The following GULP1 variants were observed in gnomAD, a reference collection of about 807,000 sequenced individuals.
GULP1 encodes PTB domain-containing engulfment adapter protein 1.
GULP1 carries 19 observed loss-of-function variants against 40.9 expected under a neutral mutation model. That is an observed-to-expected ratio of 0.46 (90% CI 0.32 to 0.68). The LOEUF (loss-of-function observed/expected upper bound fraction) is 0.68. Among genes scored for constraint, GULP1 ranks in the 30% least tolerant of loss-of-function variants. The probability of loss-of-function intolerance (pLI) is 0.03; values close to 1 mark genes in which losing one functional copy is unlikely to be tolerated. For missense variants in GULP1, 312 were observed against 362.2 expected (o/e 0.86, Z 1.12); for synonymous variants, 119 against 117.6 (o/e 1.01, Z -0.08).
At chr2:188,476,169 G>C (rs995228555) in intron 2 of GULP1, among the ~76,000 whole-genome samples, 183 of 152,274 alleles carry the variant, frequency 1.2e-3, no homozygotes, top group South Asian at 2.1e-4. Flanking sequence ...ATTAGAATTA[G>C]ATTCTCTGAG....
chr2:188,311,518 A>G (rs2038102257), intron 1 of GULP1, among the ~76,000 whole-genome samples: 2 of 151,944 alleles, frequency 1.3e-5, no homozygotes, highest in South Asian at 4.2e-4. Context: ...CCTTTTTGTG[A>G]CTTCATCTTG....
At chr2:188,314,089 T>A (rs2038665288) in intron 1 of GULP1, among the ~76,000 whole-genome samples, 1 of 152,026 alleles carries the variant, frequency 6.6e-6, no homozygotes, top group Non-Finnish European at 1.5e-5. Context: ...CTTAACACTG[T>A]CTGTAGAGTC....
intron 1 of GULP1, among the ~76,000 whole-genome samples, chr2:188,363,816 G>A (rs921993653): frequency 6.6e-6 from 1 of 152,136 alleles, no homozygotes; most frequent in African/African-American, 2.4e-5. Flanking sequence ...GAGAGGAGCA[G>A]CTTTAGCACT....
At chr2:188,319,500 T>A (rs1296130427) in intron 1 of GULP1, among the ~76,000 whole-genome samples, 1 of 152,112 alleles carries the variant, frequency 6.6e-6, no homozygotes, top group Non-Finnish European at 1.5e-5. Context: ...AGATTTGATT[T>A]TACAACTGAA....
intron 1 of GULP1, among the ~76,000 whole-genome samples, chr2:188,379,838 G>A (rs560616413): frequency 9.2e-5 from 14 of 152,184 alleles, no homozygotes; most frequent in Admixed American, 6.5e-4. Context: ...TTATTCCTGT[G>A]CCCTTGCTTA....
chr2:188,581,515 G>A (rs575074779), intron 9 of GULP1, among the ~76,000 whole-genome samples: 52 of 152,242 alleles, frequency 3.4e-4, no homozygotes, highest in African/African-American at 1.2e-3. Flanking sequence ...GTGACATCTG[G>A]CAGCTCAGCT....
At position 188,595,579 on chromosome 2, in the gene GULP1, A is replaced by C. The variant is rs953157403; in HGVS notation, c.*1568A>C. On this transcript the variant is annotated 3_prime_UTR_variant, in exon 12 of 12. Transcript: ENST00000409830. ...ATAGTATTTTGGAATTTGTATAATA[A>C]GGATGTTTAGAAGCCATATAAGTGG... 5 of 152,302 alleles carry C rather than the reference A, an allele frequency of 3.3e-5. No individual in the cohort carries two copies. Among genetic ancestry groups the C allele is most frequent in the African/African-American group, 9.6e-5 (4 of 41,546 alleles). The allele number at this position is 152,302 out of a possible 1,614,324, so 9.4% of individuals were successfully genotyped here.
At chr2:188,553,079 GTT>G (rs1693899755) in intron 7 of GULP1, among the ~76,000 whole-genome samples, 1 of 151,774 alleles carries the variant, frequency 6.6e-6, no homozygotes, top group South Asian at 2.1e-4. Context: ...AAATCTAAGA[GTT>G]TTTTTATGGA....
chr2:188,297,204 C>T (rs112148934), intron 1 of GULP1, among the ~76,000 whole-genome samples: 132 of 151,344 alleles, frequency 8.7e-4, no homozygotes, highest in African/African-American at 2.2e-3. Flanking sequence ...TCTATTTATA[C>T]CTCCGAAAGA....
intron 9 of GULP1, among the ~76,000 whole-genome samples, chr2:188,580,335 C>G (rs995549436): frequency 6.6e-6 from 1 of 152,134 alleles, no homozygotes; most frequent in East Asian, 1.9e-4. Context: ...GGGCGGATCA[C>G]GAGGTCAGGA....
intron 2 of GULP1, among the ~76,000 whole-genome samples, chr2:188,422,559 G>T (rs2055595373): frequency 6.6e-6 from 1 of 151,462 alleles, no homozygotes; most frequent in African/African-American, 2.4e-5. Flanking sequence ...CTTAAGATTT[G>T]CTTTTCATTT....
intron 1 of GULP1, among the ~76,000 whole-genome samples, chr2:188,300,385 CAT>C (rs1214897619): frequency 6.6e-6 from 1 of 151,950 alleles, no homozygotes; most frequent in Non-Finnish European, 1.5e-5. Context: ...TTTTTCTGAA[CAT>C]ATGGAAACTT....
At chr2:188,297,335 C>A (rs1228462063) in intron 1 of GULP1, among the ~76,000 whole-genome samples, 1 of 151,980 alleles carries the variant, frequency 6.6e-6, no homozygotes, top group Non-Finnish European at 1.5e-5. Flanking sequence ...GTACAGTTAA[C>A]TACTGTAAGA....
chr2:188,487,536 G>C (rs2061965585), intron 4 of GULP1, among the ~76,000 whole-genome samples: 1 of 151,936 alleles, frequency 6.6e-6, no homozygotes, highest in African/African-American at 2.4e-5. Context: ...ACAGTCATAT[G>C]AAACATAGAA....
chr2:188,481,407 A>G (rs893785772), intron 3 of GULP1, among the ~76,000 whole-genome samples: 1 of 152,002 alleles, frequency 6.6e-6, no homozygotes, highest in Non-Finnish European at 1.5e-5. Context: ...TTCAGGTTTT[A>G]TAAATGTACT....
At chr2:188,425,017 C>A (rs189069969) in intron 2 of GULP1, among the ~76,000 whole-genome samples, 38 of 151,796 alleles carry the variant, frequency 2.5e-4, no homozygotes, top group African/African-American at 7.7e-4. Flanking sequence ...TTCTTTTTTT[C>A]GATATTAGTA....
intron 2 of GULP1, among the ~76,000 whole-genome samples, chr2:188,448,502 T>C (rs2058580457): frequency 6.6e-6 from 1 of 152,220 alleles, no homozygotes; most frequent in South Asian, 2.1e-4. Context: ...TAAAATTTCC[T>C]GAACTTGCCA....
intron 2 of GULP1, among the ~76,000 whole-genome samples, chr2:188,426,483 A>T (rs1280543391): frequency 6.6e-6 from 1 of 152,160 alleles, no homozygotes; most frequent in African/African-American, 2.4e-5. Context: ...CAGAATACAG[A>T]TTCCCCCATA....
intron 2 of GULP1, among the ~76,000 whole-genome samples, chr2:188,425,719 A>C (rs962837021): frequency 5.3e-5 from 8 of 152,176 alleles, no homozygotes; most frequent in Non-Finnish European, 1.5e-5. Flanking sequence ...CAATTCAAAT[A>C]CTACCTCATC....
Sources: allele counts gnomAD v4.1 joint callset (sites outside exome capture counted in the v4.1 genomes callset), GRCh38; gene constraint gnomAD v4.1.1; transcripts MANE v1.5; gene names NCBI Gene and HGNC (gene_info 2026-07-23, HGNC 2026-07-21).